RARB: variants seen among roughly 807,000 people sequenced by gnomAD.
RARB encodes retinoic acid receptor beta.
RARB carries 17 observed loss-of-function variants against 51.9 expected under a neutral mutation model. The ratio of observed to expected loss-of-function variants is 0.33; its 90% confidence interval spans 0.22 to 0.49. The LOEUF (loss-of-function observed/expected upper bound fraction) is 0.49. Ranked by LOEUF, RARB falls within the 20% of genes least tolerant of loss-of-function variation. The pLI, the probability that RARB is intolerant of heterozygous loss-of-function variation, is 0.99. For missense variants in RARB, 369 were observed against 550.8 expected (o/e 0.67, Z 3.30); for synonymous variants, 215 against 195.4 (o/e 1.10, Z -0.84).
At chr3:25,031,593 A>G (rs141565805) in intron 2 of RARB, among the ~76,000 whole-genome samples, 2 of 152,284 alleles carry the variant, frequency 1.3e-5, no homozygotes, top group Non-Finnish European at 2.9e-5. Context: ...TATGCCCACT[A>G]ACTCTGTTGA....
chr3:25,001,195 TTAAAA>T (rs1271765931), intron 2 of RARB, among the ~76,000 whole-genome samples: 1 of 152,036 alleles, frequency 6.6e-6, no homozygotes, highest in East Asian at 1.9e-4. Context: ...CTAACACTGC[TTAAAA>T]TAAATAAATA....
intron 5 of RARB, among the ~76,000 whole-genome samples, chr3:25,321,506 T>A (rs914078037): frequency 2.0e-5 from 3 of 151,830 alleles, no homozygotes; most frequent in Admixed American, 2.0e-4. Flanking sequence ...TCACCTGAGG[T>A]TAGGTGTTCG....
chr3:25,021,100 C>T (rs1252466337), intron 2 of RARB, among the ~76,000 whole-genome samples: 1 of 152,164 alleles, frequency 6.6e-6, no homozygotes, highest in East Asian at 1.9e-4. Flanking sequence ...AAATGTAGTT[C>T]TCTTGATGGT....
chr3:24,889,312 C>CTT, intron 2 of RARB, among the ~76,000 whole-genome samples: 1 of 152,204 alleles, frequency 6.6e-6, no homozygotes, highest in East Asian at 1.9e-4. Context: ...GAGAGTTAAC[C>CTT]TTATGGCTTT....
chr3:25,146,045 C>T (rs1559482413), intron 4 of RARB, among the ~76,000 whole-genome samples: 1 of 151,786 alleles, frequency 6.6e-6, no homozygotes, highest in Non-Finnish European at 1.5e-5. Flanking sequence ...CTGATTCAAA[C>T]ATGTATGTGA....
chr3:25,290,389 G>A (rs1703757602), intron 5 of RARB, among the ~76,000 whole-genome samples: 1 of 152,078 alleles, frequency 6.6e-6, no homozygotes, highest in African/African-American at 2.4e-5. Flanking sequence ...CTCAGAAGAA[G>A]CAACCCTCCT....
chr3:25,274,464 T>C (rs1436603774), intron 5 of RARB, among the ~76,000 whole-genome samples: 1 of 152,136 alleles, frequency 6.6e-6, no homozygotes, highest in African/African-American at 2.4e-5. Flanking sequence ...TGCCAATTTA[T>C]ACAGGGTGAT....
intron 5 of RARB, among the ~76,000 whole-genome samples, chr3:25,371,484 C>G (rs1055803969): frequency 3.3e-5 from 5 of 152,102 alleles, no homozygotes; most frequent in Non-Finnish European, 5.9e-5. Context: ...TTATTAAGAG[C>G]AAAATATCTT....
chr3:25,507,535 C>T (rs1339670533), intron 3 of RARB, among the ~76,000 whole-genome samples: 1 of 152,166 alleles, frequency 6.6e-6, no homozygotes, highest in Non-Finnish European at 1.5e-5. Flanking sequence ...GCTGCTTCCT[C>T]TTCCCAGTTC....
chr3:25,169,531 C>T lies in RARB; in HGVS notation c.-279-4588C>T, dbSNP rs958880811. Among the ~76,000 whole-genome samples the T allele has an allele frequency of 2.6e-5, 4 of 152,164 alleles. No homozygotes were observed. The East Asian group carries it at 7.7e-4, about 29-fold the overall frequency. On this transcript the variant is annotated intron_variant, in intron 4 of 11. Transcript: ENST00000383772. ...TATAAATGCAGTATATCACGTAACT[C>T]AACTGTAACAATATTTATCTGGTCA...
At chr3:25,554,242 CAAAA>C (rs569062726) in intron 3 of RARB, among the ~76,000 whole-genome samples, 2 of 149,320 alleles carry the variant, frequency 1.3e-5, no homozygotes, top group African/African-American at 2.5e-5. Flanking sequence ...TGAAATAAAA[CAAAA>C]AAACATGAGG....
At chr3:25,398,756 G>T (rs1707184558) in intron 5 of RARB, among the ~76,000 whole-genome samples, 1 of 152,040 alleles carries the variant, frequency 6.6e-6, no homozygotes, top group South Asian at 2.1e-4. Context: ...CCATTACAAA[G>T]ATATTATAAA....
chr3:24,956,692 C>T (rs1280058508), intron 2 of RARB, among the ~76,000 whole-genome samples: 1 of 152,174 alleles, frequency 6.6e-6, no homozygotes, highest in Non-Finnish European at 1.5e-5. Flanking sequence ...AATTTTGTCT[C>T]AAGTCTAATG....
At chr3:24,992,328 G>A (rs562904337) in intron 2 of RARB, among the ~76,000 whole-genome samples, 7 of 152,104 alleles carry the variant, frequency 4.6e-5, no homozygotes, top group African/African-American at 7.2e-5. Flanking sequence ...TGGTTTTGAC[G>A]TCATGATTAT....
rs142174015 is a variant in RARB at position 25,379,035 on chromosome 3, C to T, written c.179-82158C>T. 1.5e-4 allele frequency among the ~76,000 whole-genome samples: 23 copies of T among 152,316 alleles called. 1 individual carries two copies. In the East Asian group the frequency reaches 3.9e-3, roughly 26 times the overall value. On this transcript the variant is annotated intron_variant, in intron 5 of 11. Coordinates refer to the RARB transcript ENST00000383772. ...GATTTTATGTAAACATAACAACACTCGGCAACAGCCAGCTTCTTGCAGGCA... is the reference window on the plus strand; with the variant it reads ...GATTTTATGTAAACATAACAACACTTGGCAACAGCCAGCTTCTTGCAGGCA...
At chr3:24,918,258 A>G (rs946710062) in intron 2 of RARB, among the ~76,000 whole-genome samples, 1 of 152,202 alleles carries the variant, frequency 6.6e-6, no homozygotes, top group Non-Finnish European at 1.5e-5. Flanking sequence ...TTGAACTGCA[A>G]CCTGACTTGG....
intron 5 of RARB, among the ~76,000 whole-genome samples, chr3:25,322,873 T>C (rs1225745518): frequency 6.6e-6 from 1 of 152,214 alleles, no homozygotes; most frequent in African/African-American, 2.4e-5. Context: ...CAGTGATCTA[T>C]TGCTGTATAA....
At chr3:25,275,182 C>A (rs1277932657) in intron 5 of RARB, among the ~76,000 whole-genome samples, 1 of 152,188 alleles carries the variant, frequency 6.6e-6, no homozygotes, top group African/African-American at 2.4e-5. Context: ...CCAAGTCTGG[C>A]TAGGCGCGGT....
chr3:25,031,853 A>G (rs939846082), intron 2 of RARB, among the ~76,000 whole-genome samples: 1 of 152,214 alleles, frequency 6.6e-6, no homozygotes, highest in Non-Finnish European at 1.5e-5. Flanking sequence ...TAATATTAGT[A>G]CTTAAACTAA....
Sources: gnomAD v4.1 joint callset for allele counts (sites outside exome capture counted in the v4.1 genomes callset) on GRCh38, gnomAD v4.1.1 for gene constraint, MANE v1.5 for transcripts, NCBI Gene and HGNC (gene_info 2026-07-23, HGNC 2026-07-21) for gene names.